PALM2AKAP2: variants seen among roughly 807,000 people sequenced by gnomAD.
The protein encoded by PALM2AKAP2 is PALM2-AKAP2 fusion protein.
PALM2AKAP2 carries 37 observed loss-of-function variants against 71.5 expected under a neutral mutation model. That is an observed-to-expected ratio of 0.52 (90% CI 0.40 to 0.68). PALM2AKAP2 has a LOEUF of 0.68. Among genes scored for constraint, PALM2AKAP2 ranks in the 30% least tolerant of loss-of-function variants. The pLI is 0.00. For synonymous variants in PALM2AKAP2, 468 were observed against 478.8 expected (o/e 0.98, Z 0.29); for missense variants, 1,224 against 1,191.8 (o/e 1.03, Z -0.40).
intron 1 of PALM2AKAP2, among the ~76,000 whole-genome samples, chr9:110,059,346 T>A (rs1188951613): frequency 6.6e-6 from 1 of 152,222 alleles, no homozygotes; most frequent in Non-Finnish European, 1.5e-5. Context: ...AAGTACAGAA[T>A]TCTAAAACAG....
At chr9:109,870,785 T>C (rs1402059148) in intron 2 of PALM2AKAP2, among the ~76,000 whole-genome samples, 1 of 152,214 alleles carries the variant, frequency 6.6e-6, no homozygotes, top group Non-Finnish European at 1.5e-5. Context: ...ACTCTAAATA[T>C]ATTGTGATGG....
At chr9:109,833,543 G>T (rs1010564258) in intron 1 of PALM2AKAP2, among the ~76,000 whole-genome samples, 3 of 152,124 alleles carry the variant, frequency 2.0e-5, no homozygotes, top group Admixed American at 6.5e-5. Flanking sequence ...CCAGTCAGCG[G>T]TCCCAGCTTC....
intron 1 of PALM2AKAP2, among the ~76,000 whole-genome samples, chr9:109,660,555 C>T (rs1394321186): frequency 6.6e-6 from 1 of 151,092 alleles, no homozygotes; most frequent in Non-Finnish European, 1.5e-5. Context: ...CATAGTATTC[C>T]ATGGTGTATA....
At chr9:110,018,960 G>C (rs926042340) in intron 7 of PALM2AKAP2, among the ~76,000 whole-genome samples, 1 of 151,928 alleles carries the variant, frequency 6.6e-6, no homozygotes, top group African/African-American at 2.4e-5. Flanking sequence ...ACCATCTCAC[G>C]ACTGGGCATG....
At chr9:110,147,119 C>T (rs965097507) in intron 2 of PALM2AKAP2, among the ~76,000 whole-genome samples, 2 of 151,980 alleles carry the variant, frequency 1.3e-5, no homozygotes, top group Non-Finnish European at 2.9e-5. Context: ...GGCGTGGTGT[C>T]ACATGCCTGT....
At chr9:109,762,831 A>T (rs371873274) in intron 1 of PALM2AKAP2, among the ~76,000 whole-genome samples, 2 of 152,204 alleles carry the variant, frequency 1.3e-5, no homozygotes, top group African/African-American at 4.8e-5. Context: ...CCCTCCTTTT[A>T]TCTCAATGCC....
At chr9:109,770,535 T>C (rs549517001) in intron 1 of PALM2AKAP2, among the ~76,000 whole-genome samples, 2 of 152,342 alleles carry the variant, frequency 1.3e-5, no homozygotes, top group East Asian at 3.9e-4. Context: ...ATGCAGAATT[T>C]GGCATAGTCA....
At chr9:109,885,577 G>T (rs145306484) in intron 3 of PALM2AKAP2, among the ~76,000 whole-genome samples, 3 of 152,292 alleles carry the variant, frequency 2.0e-5, no homozygotes, top group African/African-American at 7.2e-5. Flanking sequence ...CCCAAGGAGA[G>T]TGGGAAGTAA....
Position 110,125,534 on chromosome 9 carries a change from A to G in PALM2AKAP2, c.157-10593A>G, listed in dbSNP as rs149143188. ...GTCCAGCTTGAGCCAGGGTGCACGCAGGAATCTGTCTGGAAAAAGGCAGTT... is the reference window on the plus strand; with the variant it reads ...GTCCAGCTTGAGCCAGGGTGCACGCGGGAATCTGTCTGGAAAAAGGCAGTT... On this transcript the variant is annotated intron_variant, in intron 1 of 3. Coordinates refer to ENST00000374525, the Ensembl canonical transcript of PALM2AKAP2. 83 of 985,586 alleles carry G rather than the reference A, an allele frequency of 8.4e-5. No homozygotes were observed. In the East Asian group the frequency reaches 1.0e-3, roughly 12 times the overall value. The allele number at this position is 985,586 out of a possible 1,614,324, so 61.1% of individuals were successfully genotyped here.
intron 3 of PALM2AKAP2, among the ~76,000 whole-genome samples, chr9:109,903,809 T>C (rs1830382302): frequency 6.6e-6 from 1 of 151,876 alleles, no homozygotes; most frequent in South Asian, 2.1e-4. Flanking sequence ...TTTTTTTTTT[T>C]ACATGTAGAC....
chr9:110,064,668 T>C (rs1834037167), intron 1 of PALM2AKAP2, among the ~76,000 whole-genome samples: 2 of 152,332 alleles, frequency 1.3e-5, no homozygotes, highest in South Asian at 4.1e-4. Flanking sequence ...GGCAGTTCCT[T>C]CATTGTCCCA....
intron 2 of PALM2AKAP2, among the ~76,000 whole-genome samples, chr9:109,873,523 A>G (rs1829653881): frequency 6.6e-6 from 1 of 152,082 alleles, no homozygotes; most frequent in African/African-American, 2.4e-5. Context: ...TCCAACCATC[A>G]TCCACTAGAA....
chr9:109,965,057 C>A (rs1831920781), intron 6 of PALM2AKAP2, among the ~76,000 whole-genome samples: 2 of 152,184 alleles, frequency 1.3e-5, no homozygotes, highest in Admixed American at 1.3e-4. Flanking sequence ...AGATACTCAT[C>A]TCTTCTAGAA....
At chr9:110,108,058 A>T (rs1413843868) in intron 1 of PALM2AKAP2, among the ~76,000 whole-genome samples, 1 of 149,612 alleles carries the variant, frequency 6.7e-6, no homozygotes, top group African/African-American at 2.5e-5. Flanking sequence ...AATTGCATAC[A>T]TTAAGCTATT....
chr9:110,139,932 C>G (rs540946591), intron 2 of PALM2AKAP2, among the ~76,000 whole-genome samples: 1 of 152,174 alleles, frequency 6.6e-6, no homozygotes, highest in African/African-American at 2.4e-5. Context: ...TGTATCCAAA[C>G]AGGTAGCACG....
chr9:109,666,772 A>G (rs948363620), intron 1 of PALM2AKAP2, among the ~76,000 whole-genome samples: 1 of 152,236 alleles, frequency 6.6e-6, no homozygotes, highest in African/African-American at 2.4e-5. Flanking sequence ...ACCAGAGGAA[A>G]AAAACATAGC....
intron 1 of PALM2AKAP2, among the ~76,000 whole-genome samples, chr9:109,668,438 C>G (rs982686565): frequency 5.3e-5 from 8 of 152,234 alleles, no homozygotes; most frequent in African/African-American, 1.9e-4. Flanking sequence ...TTTTATCCCA[C>G]TGGAAAATAT....
rs528944569 is a variant in PALM2AKAP2, at chr9:109,816,277, G to A, written c.45+35744G>A. 6.6e-5 allele frequency among the ~76,000 whole-genome samples: 10 copies of A among 152,336 alleles called. No homozygotes were observed. The South Asian group carries it at 1.7e-3, about 25-fold the overall frequency. ...CCTGGATGTAGCCAAAGGACGAGGA[G>A]GCAAGATTGTTGAGGATATAGGAAG... On this transcript the variant is annotated intron_variant, in intron 1 of 9. Coordinates refer to the PALM2AKAP2 transcript ENST00000302798.
At chr9:109,757,544 C>T (rs1041360010) in intron 1 of PALM2AKAP2, among the ~76,000 whole-genome samples, 1 of 152,092 alleles carries the variant, frequency 6.6e-6, no homozygotes, top group African/African-American at 2.4e-5. Context: ...GTGCATTGCA[C>T]AACTCCAAGG....
Sources: allele counts gnomAD v4.1 joint callset (sites outside exome capture counted in the v4.1 genomes callset), GRCh38; gene constraint gnomAD v4.1.1; transcripts MANE v1.5; gene names NCBI Gene and HGNC (gene_info 2026-07-23, HGNC 2026-07-21).